Variants in ACAD10 observed in about 807,000 individuals in gnomAD.
The protein encoded by ACAD10 is acyl-CoA dehydrogenase family member 10, also known as ACAD-10.
ACAD10 carries 112 observed loss-of-function variants against 116.8 expected under a neutral mutation model. That is an observed-to-expected ratio of 0.96 (90% CI 0.82 to 1.12). The LOEUF (loss-of-function observed/expected upper bound fraction) is 1.12. Among genes scored for constraint, ACAD10 ranks in the 50% most tolerant of loss-of-function variants. The pLI, the probability that ACAD10 is intolerant of heterozygous loss-of-function variation, is 0.00. For synonymous variants in ACAD10, 486 were observed against 510.6 expected (o/e 0.95, Z 0.65); for missense variants, 1,259 against 1,350.2 (o/e 0.93, Z 1.06).
At chr12:111,725,508 T>C (rs1246257813) in intron 8 of ACAD10, among the ~76,000 whole-genome samples, 1 of 151,510 alleles carries the variant, frequency 6.6e-6, no homozygotes, top group African/African-American at 2.4e-5. Context: ...AGTGAGACCC[T>C]GTCTTTTTTT....
chr12:111,733,298 G>A (rs1889452352), intron 10 of ACAD10, among the ~76,000 whole-genome samples: 1 of 152,022 alleles, frequency 6.6e-6, no homozygotes, highest in South Asian at 2.1e-4. Context: ...ATAGGATCTT[G>A]TTATGTTGCC....
rs139260547 is a variant in ACAD10 at position 111,746,290 on chromosome 12, T to G, written c.2256+6T>G. The stretch of plus-strand genomic sequence containing the variant: ...CGTCCCTGTATGCCCCCGAGGTACC[T>G]TCTTTAAAGTTTTCCTCAGTGTGTG... On this transcript the variant is annotated splice_donor_region_variant and intron_variant, in intron 14 of 20. Transcript: ENST00000313698. 1 of 1,608,580 alleles carries G rather than the reference T, an allele frequency of 6.2e-7. No individual in the cohort carries two copies. Among genetic ancestry groups the G allele is most frequent in the Non-Finnish European group, 8.5e-7 (1 of 1,178,312 alleles).
intron 2 of ACAD10, among the ~76,000 whole-genome samples, chr12:111,693,964 A>T (rs1314271928): frequency 6.7e-6 from 1 of 149,736 alleles, no homozygotes; most frequent in Non-Finnish European, 1.5e-5. Flanking sequence ...TTTCATTTCC[A>T]CTCTTACATT....
In ACAD10 at chr12:111,711,357, C is replaced by T. The variant is rs571351440; in HGVS notation, c.691-1141C>T. Among the ~76,000 whole-genome samples the T allele has an allele frequency of 1.2e-4, 17 of 147,780 alleles. 1 individual carries two copies. In the South Asian group the frequency reaches 1.3e-3, roughly 11 times the overall value. On this transcript the variant is annotated intron_variant, in intron 5 of 20. Transcript: ENST00000313698. ...CTGGGACTACAGGCATCCACTACCA[C>T]GCCCAGCTAATTTTTTTGTATTTTT...
At chr12:111,692,022 G>A (rs1267635566) in intron 1 of ACAD10, among the ~76,000 whole-genome samples, 1 of 152,106 alleles carries the variant, frequency 6.6e-6, no homozygotes, top group Admixed American at 6.5e-5. Flanking sequence ...AGGCTGGAGT[G>A]CAATGGCACG....
At chr12:111,723,684 AC>A (rs374895437) in intron 8 of ACAD10, among the ~76,000 whole-genome samples, 23,650 of 84,030 alleles carry the variant, frequency 0.28, 2,395 homozygotes, top group Middle Eastern at 0.34. Flanking sequence ...CGGGGGGCTG[AC>A]CCCCCCCCCC....
chr12:111,725,597 C>CCCA (rs1566156252), intron 8 of ACAD10, among the ~76,000 whole-genome samples: 1 of 151,334 alleles, frequency 6.6e-6, no homozygotes, highest in Non-Finnish European at 1.5e-5. Context: ...CGAAATGGCG[C>CCCA]GGTCTGGGCA....
intron 7 of ACAD10, among the ~76,000 whole-genome samples, chr12:111,719,810 C>G (rs1401861159): frequency 6.6e-6 from 1 of 152,146 alleles, no homozygotes; most frequent in African/African-American, 2.4e-5. Flanking sequence ...CCACTGCAAG[C>G]TCCGCCTCCC....
rs1593054971 is a variant in ACAD10 at position 111,748,908 on chromosome 12, T to C, written c.2645-265T>C. 4 of 1,151,658 alleles carry C rather than the reference T, an allele frequency of 3.5e-6. No homozygotes were observed. The East Asian group carries it at 1.1e-4, about 32-fold the overall frequency. The allele number at this position is 1,151,658 out of a possible 1,614,324, so 71.3% of individuals were successfully genotyped here. On this transcript the variant is annotated intron_variant, in intron 17 of 20. Coordinates refer to ENST00000313698, the MANE Select transcript of ACAD10 (RefSeq NM_025247.6). ...GGATCACTACATTGTCACAAACCAC[T>C]AGGAGCTTCAGCTTAAGGTGGCATT...
Position 111,749,206 on chromosome 12 carries a change from G to A in ACAD10, c.2678G>A (p.Arg893His), listed in dbSNP as rs1019712616. 8.1e-6 allele frequency: 13 copies of A among 1,613,728 alleles called. No homozygotes were observed. The highest frequency in any genetic ancestry group is 2.2e-5 in the East Asian group (1 of 44,874). ...GHGEVRFEHVRVPKENMVLGP... is the reference protein window; with the variant it reads ...GHGEVRFEHVHVPKENMVLGP... ...GGTGAAGTCCGATTTGAGCACGTGC[G>A]TGTGCCCAAAGAGAACATGGTCCTG... Residue 893 changes from arginine to histidine, a missense_variant, in exon 18 of 21, where the codon CGT becomes CAT. Coordinates refer to ENST00000313698, the MANE Select transcript of ACAD10 (RefSeq NM_025247.6).
chr12:111,725,061 A>G (rs967254279), intron 8 of ACAD10, among the ~76,000 whole-genome samples: 1 of 152,226 alleles, frequency 6.6e-6, no homozygotes, highest in Non-Finnish European at 1.5e-5. Context: ...TTTACACTTC[A>G]TCTAGATCAA....
Position 111,749,478 on chromosome 12 carries a change from T to C in ACAD10, c.2817+133T>C, listed in dbSNP as rs1890009817. The C allele has an allele frequency of 3.3e-6, 4 of 1,219,908 alleles. No individual in the cohort carries two copies. The African/African-American group carries it at 4.6e-5, about 14-fold the overall frequency. 75.6% of individuals were successfully genotyped at this position (1,219,908 alleles called of 1,614,324 possible). On this transcript the variant is annotated intron_variant, in intron 18 of 20. Coordinates refer to ENST00000313698, the MANE Select transcript of ACAD10 (RefSeq NM_025247.6). ...GCAAGGTGATGTCCTTGCCAAGAAGTTGCATTCCTGTCTGCTTTGCATCTG... is the reference window on the plus strand; with the variant it reads ...GCAAGGTGATGTCCTTGCCAAGAAGCTGCATTCCTGTCTGCTTTGCATCTG...
Position 111,712,529 on chromosome 12 carries a change from T to C in ACAD10, c.722T>C (p.Leu241Ser). 1 of 1,614,100 alleles carries C rather than the reference T, an allele frequency of 6.2e-7. No homozygotes were observed. The highest frequency in any genetic ancestry group is 8.5e-7 in the Non-Finnish European group (1 of 1,179,982). ...VNDPETAVKE[L>S]EALLGFTLRV... ...GACCCAGAGACTGCAGTAAAGGAAT[T>C]AGAAGCTCTCTTGGGTTTTACATTG... Residue 241 changes from leucine (L) to serine (S), a missense_variant, in exon 6 of 21, where the codon TTA becomes TCA. Leu to Ser is a moderately radical substitution (Grantham distance 145). Coordinates refer to ENST00000313698, the MANE Select transcript of ACAD10 (RefSeq NM_025247.6).
intron 6 of ACAD10, among the ~76,000 whole-genome samples, chr12:111,714,527 T>C (rs1181225932): frequency 6.6e-6 from 1 of 151,600 alleles, no homozygotes; most frequent in Non-Finnish European, 1.5e-5. Context: ...TAGCCGAGTG[T>C]GGTGGCGCAT....
At chr12:111,742,316 T>G (rs1889766689) in intron 12 of ACAD10, among the ~76,000 whole-genome samples, 1 of 152,162 alleles carries the variant, frequency 6.6e-6, no homozygotes, top group East Asian at 1.9e-4. Context: ...ATCTTTCCCT[T>G]CAATGTGCTG....
chr12:111,699,484 TG>T (rs1201726065), intron 2 of ACAD10, among the ~76,000 whole-genome samples: 1 of 151,984 alleles, frequency 6.6e-6, no homozygotes, highest in African/African-American at 2.4e-5. Context: ...GGGGTGGGTG[TG>T]GGGGGCATAT....
At chr12:111,710,457 C>T (rs1398318224) in intron 5 of ACAD10, 2 of 269,616 alleles carry the variant, frequency 7.4e-6, no homozygotes, top group Non-Finnish European at 1.5e-5. Flanking sequence ...AACGTTGTAA[C>T]ATAATCTTCT....
At chr12:111,740,056 G>A (rs1196782889) in intron 12 of ACAD10, among the ~76,000 whole-genome samples, 1 of 152,144 alleles carries the variant, frequency 6.6e-6, no homozygotes, top group Non-Finnish European at 1.5e-5. Flanking sequence ...CAGTGGGAGT[G>A]GGGATGGCAG....
chr12:111,724,191 C>G (rs1273944611), intron 8 of ACAD10, among the ~76,000 whole-genome samples: 1 of 150,490 alleles, frequency 6.6e-6, no homozygotes, highest in East Asian at 2.0e-4. Context: ...GATGGGTGGC[C>G]GGGCAGAGAC....
Sources: allele counts gnomAD v4.1 joint callset (sites outside exome capture counted in the v4.1 genomes callset), GRCh38; gene constraint gnomAD v4.1.1; transcripts MANE v1.5; gene names NCBI Gene and HGNC (gene_info 2026-07-23, HGNC 2026-07-21).